The following FREM1 variants were observed in gnomAD, a reference collection of about 807,000 sequenced individuals.
The protein encoded by FREM1 is FRAS1 related extracellular matrix 1.
FREM1 carries 220 observed loss-of-function variants against 210.1 expected under a neutral mutation model. The ratio of observed to expected loss-of-function variants is 1.05; its 90% CI spans 0.94 to 1.17. FREM1 has a LOEUF of 1.17. Among genes scored for constraint, FREM1 ranks in the 50% most tolerant of loss-of-function variants. FREM1 has a pLI of 0.00. For synonymous variants in FREM1, 1,189 were observed against 980.2 expected (o/e 1.21, Z -3.98); for missense variants, 3,454 against 2,675.5 (o/e 1.29, Z -6.42).
At chr9:14,903,654 A>G (rs932122991) in intron 1 of FREM1, among the ~76,000 whole-genome samples, 6 of 152,204 alleles carry the variant, frequency 3.9e-5, no homozygotes, top group Admixed American at 6.5e-5. Context: ...CCTACCTGGT[A>G]GTGTATATGC....
At chr9:14,827,131 T>A (rs901625916) in intron 10 of FREM1, among the ~76,000 whole-genome samples, 2 of 151,596 alleles carry the variant, frequency 1.3e-5, no homozygotes, top group Non-Finnish European at 2.9e-5. Flanking sequence ...GAATAGATCA[T>A]AAAGGGCAAT....
At chr9:14,790,299 G>A (rs1451580922) in intron 22 of FREM1, among the ~76,000 whole-genome samples, 1 of 152,024 alleles carries the variant, frequency 6.6e-6, no homozygotes, top group African/African-American at 2.4e-5. Flanking sequence ...CATTCTACTT[G>A]ATAACGTTTC....
chr9:14,908,509 T>C lies in FREM1; in HGVS notation c.-268+1405A>G, dbSNP rs141479700. On this transcript the variant is annotated intron_variant, in intron 1 of 36. Coordinates refer to ENST00000380880, the MANE Select transcript of FREM1 (RefSeq NM_001379081.2). ...CAGGTCCCTTTGCCCAACTCCTTTTTTCCCTCGTGGGAATGAAAAGGCAGA... is the reference window on the plus strand; with the variant it reads ...CAGGTCCCTTTGCCCAACTCCTTTTCTCCCTCGTGGGAATGAAAAGGCAGA... Among the ~76,000 whole-genome samples the C allele has an allele frequency of 9.2e-5, 14 of 152,208 alleles. No individual in the cohort carries two copies. The East Asian group carries it at 2.5e-3, about 27-fold the overall frequency.
chr9:14,805,566 T>A (rs989060840), intron 18 of FREM1, among the ~76,000 whole-genome samples: 43 of 152,204 alleles, frequency 2.8e-4, no homozygotes, highest in Admixed American at 2.5e-3. Context: ...ATCATCTGCC[T>A]ACTTGAAGAG....
intron 28 of FREM1, 61 bp downstream of exon 28, chr9:14,759,711 T>C (rs1432363918): frequency 5.0e-6 from 7 of 1,399,080 alleles, no homozygotes; most frequent in Admixed American, 4.8e-5. Context: ...AAAAATATAA[T>C]GAAAGACACC....
intron 28 of FREM1, among the ~76,000 whole-genome samples, chr9:14,757,613 C>T (rs997221369): frequency 1.3e-5 from 2 of 152,016 alleles, no homozygotes; most frequent in Non-Finnish European, 2.9e-5. Flanking sequence ...AAATGAGAAC[C>T]GTGTGCAAGC....
intron 1 of FREM1, among the ~76,000 whole-genome samples, chr9:14,907,046 A>G (rs1014738341): frequency 6.6e-6 from 1 of 152,218 alleles, no homozygotes; most frequent in Non-Finnish European, 1.5e-5. Flanking sequence ...ATAAATAGGC[A>G]GGTTTAAGGG....
chr9:14,859,855 G>C (rs892923924), intron 3 of FREM1, among the ~76,000 whole-genome samples: 2 of 152,166 alleles, frequency 1.3e-5, no homozygotes, highest in Non-Finnish European at 2.9e-5. Flanking sequence ...GAGTGAAGGG[G>C]TGAGTGGTTT....
chr9:14,746,345 T>G lies in FREM1; in HGVS notation c.6254+8A>C. 1 of 1,588,602 alleles carries G rather than the reference T, an allele frequency of 6.3e-7. No homozygotes were observed. Among genetic ancestry groups the G allele is most frequent in the Non-Finnish European group, 8.6e-7 (1 of 1,157,314 alleles). Reference sequence around the variant, plus strand: ...AACACCAATCAAATGTGCAATAGGGTGCCTTACTGTTCCCTGCAAGCTTGG... The same window carrying G: ...AACACCAATCAAATGTGCAATAGGGGGCCTTACTGTTCCCTGCAAGCTTGG... On this transcript the variant is annotated splice_region_variant and intron_variant, in intron 35 of 36. Coordinates refer to ENST00000380880, the MANE Select transcript of FREM1 (RefSeq NM_001379081.2).
intron 1 of FREM1, among the ~76,000 whole-genome samples, chr9:14,873,428 T>C (rs949943226): frequency 7.2e-5 from 11 of 152,254 alleles, no homozygotes; most frequent in African/African-American, 2.7e-4. Flanking sequence ...ATTTATCCAT[T>C]TCTTCGATAT....
Position 14,788,970 on chromosome 9 carries a change from T to C in FREM1, c.4126A>G (p.Asn1376Asp). 6.2e-7 allele frequency: 1 copy of C among 1,613,260 alleles called. No individual in the cohort carries two copies. Among genetic ancestry groups the C allele is most frequent in the Non-Finnish European group, 8.5e-7 (1 of 1,179,616 alleles). ...SFTFYLWDGN[N>D]RSPALDCQIT... ...TGACAGTCAAGAGCAGGGGACCTGT[T>C]GTTGCCATCCCAAAGGTAGAAGGTG... Residue 1376 changes from asparagine to aspartate, a missense_variant, in exon 23 of 37, where the codon AAC (asparagine) becomes GAC (aspartate). By Grantham distance (23) the Asn-to-Asp change is conservative. Transcript: ENST00000380880.
intron 6 of FREM1, 37 bp downstream of exon 6, chr9:14,851,247 T>C: frequency 6.7e-7 from 1 of 1,492,794 alleles, no homozygotes; most frequent in Non-Finnish European, 9.1e-7. Flanking sequence ...ACCCTGTGAC[T>C]TCTAACTAGG....
chr9:14,893,427 G>GACAT (rs1324752291), intron 1 of FREM1, among the ~76,000 whole-genome samples: 2 of 152,186 alleles, frequency 1.3e-5, no homozygotes, highest in African/African-American at 4.8e-5. Flanking sequence ...ATGTCCTTGG[G>GACAT]AGCTTGATCT....
chr9:14,858,642 T>C (rs1829245690), intron 4 of FREM1, among the ~76,000 whole-genome samples: 1 of 152,194 alleles, frequency 6.6e-6, no homozygotes, highest in South Asian at 2.1e-4. Flanking sequence ...TGGCTTCTCA[T>C]AGTTTCTAGA....
chr9:14,753,453 C>G (rs1843728583), intron 29 of FREM1, among the ~76,000 whole-genome samples: 1 of 152,202 alleles, frequency 6.6e-6, no homozygotes, highest in African/African-American at 2.4e-5. Flanking sequence ...TATATCCACT[C>G]AAGACTAGTC....
chr9:14,897,150 G>T (rs772364158), intron 1 of FREM1, among the ~76,000 whole-genome samples: 1 of 152,142 alleles, frequency 6.6e-6, no homozygotes, highest in Non-Finnish European at 1.5e-5. Flanking sequence ...CAAATTTTAC[G>T]TAAAATAACA....
At chr9:14,862,269 G>T (rs772022548) in intron 3 of FREM1, among the ~76,000 whole-genome samples, 38 of 152,262 alleles carry the variant, frequency 2.5e-4, no homozygotes, top group Non-Finnish European at 4.9e-4. Context: ...GTAATAGGTG[G>T]TCATAAATGT....
intron 1 of FREM1, among the ~76,000 whole-genome samples, chr9:14,871,725 T>C (rs1020698022): frequency 5.9e-5 from 9 of 152,324 alleles, no homozygotes; most frequent in African/African-American, 2.2e-4. Context: ...ATGAAGTCCT[T>C]GCCCATGCCT....
At chr9:14,859,598 G>C (rs1245320291) in intron 3 of FREM1, 114 bp from the exon 4 acceptor site, 1 of 837,116 alleles carries the variant, frequency 1.2e-6, no homozygotes, top group Non-Finnish European at 1.9e-6. Context: ...GCCACAGATT[G>C]AGTTTGGATT....
Sources: allele counts gnomAD v4.1 joint callset (sites outside exome capture counted in the v4.1 genomes callset), GRCh38; gene constraint gnomAD v4.1.1; transcripts MANE v1.5; gene names NCBI Gene and HGNC (gene_info 2026-07-23, HGNC 2026-07-21).